CDH7: variants seen among roughly 807,000 people sequenced by gnomAD.
CDH7 encodes the protein cadherin 7.
CDH7 carries 25 observed loss-of-function variants against 71.8 expected under a neutral mutation model. That is an observed-to-expected ratio of 0.35 (90% confidence interval 0.25 to 0.49). The LOEUF (loss-of-function observed/expected upper bound fraction) is 0.49, where lower values mean the gene tolerates loss of function less well. CDH7 is among the 20% of genes least tolerant of loss of function. The probability of loss-of-function intolerance (pLI) is 0.99; values close to 1 mark genes in which losing one functional copy is unlikely to be tolerated. For synonymous variants in CDH7, 381 were observed against 363.8 expected (o/e 1.05, Z -0.54); for missense variants, 862 against 974.6 (o/e 0.88, Z 1.54).
Position 65,809,813 on chromosome 18 carries a change from C to G in CDH7, c.320C>G (p.Thr107Ser). 1 of 1,614,068 alleles carries G rather than the reference C, an allele frequency of 6.2e-7. No individual in the cohort carries two copies. The highest frequency in any genetic ancestry group is 8.5e-7 in the Non-Finnish European group (1 of 1,180,000). Residue 107 changes from threonine (T) to serine (S), a missense_variant, in exon 3 of 12, where the codon ACC becomes AGC. Coordinates refer to ENST00000397968, the MANE Select transcript of CDH7 (RefSeq NM_004361.5). ...IDENTGDIHA[T>S]KRLDREEQAY... ...GAGAACACTGGGGATATTCATGCCA[C>G]CAAGAGACTGGATCGTGAGGAGCAG... is the stretch of plus-strand genomic sequence containing the variant.
At chr18:65,857,782 T>A in intron 7 of CDH7, 34 bp from the exon 8 acceptor site, 1 of 1,603,104 alleles carries the variant, frequency 6.2e-7, no homozygotes. Flanking sequence ...AACGTACATG[T>A]TGAAGGCTTT....
chr18:65,867,987 C>T (rs1442406080), intron 11 of CDH7, among the ~76,000 whole-genome samples: 1 of 152,114 alleles, frequency 6.6e-6, no homozygotes, highest in Admixed American at 6.5e-5. Flanking sequence ...GTAACTGTGG[C>T]TATTCATGAT....
intron 7 of CDH7, among the ~76,000 whole-genome samples, chr18:65,849,658 C>G (rs1913076166): frequency 6.6e-6 from 1 of 151,722 alleles, no homozygotes; most frequent in Non-Finnish European, 1.5e-5. Context: ...GGTGATCCAT[C>G]TGCCTCAGCC....
chr18:65,857,421 TGA>T (rs1913405064), intron 7 of CDH7, among the ~76,000 whole-genome samples: 1 of 150,948 alleles, frequency 6.6e-6, no homozygotes, highest in African/African-American at 2.4e-5. Flanking sequence ...GGCTGAGGTG[TGA>T]GAATCCCTTA....
rs1055885618 is a variant in CDH7 at position 65,791,481 on chromosome 18, T to A, written c.211-18223T>A. Among the ~76,000 whole-genome samples the A allele has an allele frequency of 2.0e-5, 3 of 152,290 alleles. No homozygotes were observed. In the South Asian group the frequency reaches 6.2e-4, roughly 32 times the overall value. ...GGAAGCATCGTTATCACTAGTTCATTTGTACATATGGGAAAGTTAAGCCGA... is the reference window on the plus strand; with the variant it reads ...GGAAGCATCGTTATCACTAGTTCATATGTACATATGGGAAAGTTAAGCCGA... On this transcript the variant is annotated intron_variant, in intron 2 of 11. Transcript: ENST00000397968.
chr18:65,886,425 T>G lies in CDH7; in HGVS notation c.*5531T>G, dbSNP rs1186618513. 1 of 151,888 alleles carries G rather than the reference T, an allele frequency of 6.6e-6. No homozygotes were observed. Among genetic ancestry groups the G allele is most frequent in the Admixed American group, 6.6e-5 (1 of 15,236 alleles). 9.4% of individuals were successfully genotyped at this position (151,888 alleles called of 1,614,324 possible). On this transcript the variant is annotated 3_prime_UTR_variant, in exon 12 of 12. Transcript: ENST00000397968. ...CACTCAAATACAGTTATTTATAAGA[T>G]CTCAGAAGATTGCAGTTTAACTCAA...
intron 2 of CDH7, among the ~76,000 whole-genome samples, chr18:65,800,165 C>A (rs1381080999): frequency 6.6e-6 from 1 of 152,112 alleles, no homozygotes; most frequent in Non-Finnish European, 1.5e-5. Flanking sequence ...CTGCAACCTC[C>A]ATCTCCCAGG....
chr18:65,863,671 T>C (rs1356912099), intron 11 of CDH7: 3 of 152,238 alleles, frequency 2.0e-5, no homozygotes, highest in Non-Finnish European at 4.4e-5. Context: ...ATTTGCAAAT[T>C]TGAAATGATT....
rs1911456485 is a variant in CDH7, at chr18:65,809,771, C to CT, written c.278_279insT (p.Ile94HisfsTer5). ...ATCTTGTCAGGCGAAGGGGCAAGTT[C>CT]CATTTTCATTATTGATGAGAACACT... On this transcript the variant is annotated frameshift_variant, in exon 3 of 12. Coordinates refer to ENST00000397968, the MANE Select transcript of CDH7 (RefSeq NM_004361.5). LOFTEE classifies it high-confidence loss of function. 2 of 1,613,826 alleles carry CT rather than the reference C, an allele frequency of 1.2e-6. No individual in the cohort carries two copies. Among genetic ancestry groups the CT allele is most frequent in the African/African-American group, 2.7e-5 (2 of 74,880 alleles).
chr18:65,782,176 T>TTCTTTCTTTCTTTCTTTCTC (rs1568182801), intron 2 of CDH7, among the ~76,000 whole-genome samples: 2 of 134,564 alleles, frequency 1.5e-5, no homozygotes, highest in African/African-American at 6.6e-5. Flanking sequence ...CTTTCTTTCT[T>TTCTTTCTTTCTTTCTTTCTC]TCTTTCTTTC....
chr18:65,853,870 T>C (rs1419489560), intron 7 of CDH7, among the ~76,000 whole-genome samples: 6 of 129,424 alleles, frequency 4.6e-5, no homozygotes. Context: ...AATGAATAAA[T>C]GGAAGACATA....
intron 1 of CDH7, among the ~76,000 whole-genome samples, chr18:65,758,980 A>C (rs1267523144): frequency 6.6e-6 from 1 of 152,154 alleles, no homozygotes; most frequent in Non-Finnish European, 1.5e-5. Context: ...GAGTTGCTCA[A>C]TTATCAAGTA....
intron 2 of CDH7, among the ~76,000 whole-genome samples, chr18:65,802,941 C>A (rs1344381776): frequency 2.0e-5 from 3 of 152,068 alleles, no homozygotes; most frequent in Non-Finnish European, 4.4e-5. Context: ...ATCCTTGGAA[C>A]CTTTTGGTTC....
At chr18:65,814,248 T>A (rs1447335213) in intron 3 of CDH7, among the ~76,000 whole-genome samples, 2 of 152,164 alleles carry the variant, frequency 1.3e-5, no homozygotes, top group East Asian at 1.9e-4. Context: ...ATGGTATTTT[T>A]TTTTTTGCCA....
intron 11 of CDH7, among the ~76,000 whole-genome samples, chr18:65,876,134 T>C (rs1461192122): frequency 1.3e-5 from 2 of 152,198 alleles, no homozygotes; most frequent in African/African-American, 4.8e-5. Context: ...TATTTATCTG[T>C]GAATATACAG....
chr18:65,775,884 G>A (rs890398049), intron 2 of CDH7, among the ~76,000 whole-genome samples: 2 of 152,268 alleles, frequency 1.3e-5, no homozygotes, highest in Admixed American at 6.5e-5. Flanking sequence ...CTATCAAAAA[G>A]GGACTGTTAT....
intron 7 of CDH7, among the ~76,000 whole-genome samples, chr18:65,851,761 A>G (rs1446334663): frequency 6.6e-6 from 1 of 152,228 alleles, no homozygotes; most frequent in South Asian, 2.1e-4. Flanking sequence ...CTCATTGAAC[A>G]AATGAAGAAA....
intron 11 of CDH7, 80 bp from the exon 12 acceptor site, chr18:65,880,321 C>A (rs1281163945): frequency 1.0e-5 from 14 of 1,384,438 alleles, no homozygotes; most frequent in Non-Finnish European, 1.4e-5. Context: ...TGTAACTCAG[C>A]GTCCTAGGCC....
chr18:65,804,448 T>C (rs1304890993), intron 2 of CDH7, among the ~76,000 whole-genome samples: 1 of 152,162 alleles, frequency 6.6e-6, no homozygotes, highest in African/African-American at 2.4e-5. Context: ...ATCTCTTAAA[T>C]TGAGGATATT....
Sources: allele counts gnomAD v4.1 joint callset (sites outside exome capture counted in the v4.1 genomes callset), GRCh38; gene constraint gnomAD v4.1.1; transcripts MANE v1.5; gene names NCBI Gene and HGNC (gene_info 2026-07-23, HGNC 2026-07-21).